Variants in CAPN15 observed in about 807,000 individuals in gnomAD.
The protein encoded by CAPN15 is calpain-15.
In CAPN15, 53 loss-of-function variants were observed where a neutral mutation model predicts 97.9. That is an observed-to-expected ratio of 0.54 (90% CI 0.43 to 0.68). The LOEUF (loss-of-function observed/expected upper bound fraction) is 0.68, where lower values mean the gene tolerates loss of function less well. Among genes scored for constraint, CAPN15 ranks in the 30% least tolerant of loss-of-function variants. The pLI, the probability that CAPN15 is intolerant of heterozygous loss-of-function variation, is 0.00. For synonymous variants in CAPN15, 922 were observed against 722.5 expected (o/e 1.28, Z -4.43); for missense variants, 1,592 against 1,589.8 (o/e 1.00, Z -0.02).
At chr16:534,230 AC>A in intron 2 of CAPN15, among the ~76,000 whole-genome samples, 1 of 136,616 alleles carries the variant, frequency 7.3e-6, no homozygotes, top group African/African-American at 2.5e-5. Context: ...CGGGGTCCCG[AC>A]AGGGGTGTTT....
At chr16:537,335 C>T (rs2033803917) in intron 3 of CAPN15, 1 of 985,510 alleles carries the variant, frequency 1.0e-6, no homozygotes, top group Non-Finnish European at 1.2e-6. Flanking sequence ...TGCAGCTGGG[C>T]ACCACTTCTG....
rs759755087 is a variant in CAPN15, at chr16:547,521, G to A, written c.683G>A (p.Arg228Lys). 138 of 1,598,078 alleles carry A rather than the reference G, an allele frequency of 8.6e-5. No homozygotes were observed. The highest frequency in any genetic ancestry group is 1.1e-4 in the Non-Finnish European group (134 of 1,179,132). The change falls in exon 4 of 14, where the codon AGG becomes AAG. Residue 228 changes from arginine (R) to lysine (K), a missense_variant. By Grantham distance (26) the Arg-to-Lys change is conservative. Coordinates refer to ENST00000219611, the MANE Select transcript of CAPN15 (RefSeq NM_005632.3). The stretch of plus-strand genomic sequence containing the variant: ...CCAGCTGCCGAACCAGAGCCGCCCA[G>A]GGTCCCGCCCTTCAGCCCCTTCTCG... The part of the protein sequence containing the change: ...QGPAAEPEPP[R>K]VPPFSPFSST...
intron 3 of CAPN15, among the ~76,000 whole-genome samples, chr16:545,800 G>C (rs1277198260): frequency 6.6e-6 from 1 of 152,218 alleles, no homozygotes; most frequent in African/African-American, 2.4e-5. Context: ...CTCCCGGAGT[G>C]GGGGCTGCAA....
chr16:550,174 C>T (rs551200829), intron 7 of CAPN15, among the ~76,000 whole-genome samples: 1 of 152,312 alleles, frequency 6.6e-6, no homozygotes, highest in Non-Finnish European at 1.5e-5. Context: ...CAGGCGTGAG[C>T]GGCGTGTCGA....
rs747264489 is a variant in CAPN15, at chr16:547,649, T to C, written c.811T>C (p.Cys271Arg). 1.3e-6 allele frequency: 2 copies of C among 1,572,124 alleles called. No individual in the cohort carries two copies. Among genetic ancestry groups the C allele is most frequent in the South Asian group, 2.3e-5 (2 of 87,924 alleles). The change falls in exon 4 of 14, where the codon TGC (cysteine) becomes CGC (arginine). Residue 271 changes from cysteine (C) to arginine (R), a missense_variant. Physicochemically the swap from Cys to Arg is radical, Grantham distance 180. Transcript: ENST00000219611. ...EAAQPSPSAG[C>R]RGAPQGSGWA... ...TGCCCAGCCGTCACCCTCTGCCGGC[T>C]GCAGGGGAGCCCCCCAGGGCTCGGG... is the stretch of plus-strand genomic sequence containing the variant.
At chr16:548,379 G>A in intron 4 of CAPN15, 92 bp downstream of exon 4, 1 of 1,278,248 alleles carries the variant, frequency 7.8e-7, no homozygotes. Flanking sequence ...GGGCTGGGGA[G>A]GAGCCCACAA....
Position 548,121 on chromosome 16 carries a change from G to T in CAPN15, c.1283G>T (p.Arg428Leu). 1 of 1,535,662 alleles carries T rather than the reference G, an allele frequency of 6.5e-7. No homozygotes were observed. Among genetic ancestry groups the T allele is most frequent in the Non-Finnish European group, 8.8e-7 (1 of 1,142,244 alleles). Reference protein sequence around the residue: ...CPACTLLNALRAKHCAACHTP... With the variant: ...CPACTLLNALLAKHCAACHTP... ...GCCTGTACCCTGCTCAACGCACTGC[G>T]GGCCAAGCACTGCGCCGCCTGCCAC... The change falls in exon 4 of 14, where the codon CGG becomes CTG. Residue 428 changes from arginine (R) to leucine (L), a missense_variant. By Grantham distance (102) the Arg-to-Leu change is moderately radical (BLOSUM62 -2). This residue lies in a region of CAPN15 where 883 missense variants were observed against 776.6 expected (regional missense o/e 1.14). Coordinates refer to ENST00000219611, the MANE Select transcript of CAPN15 (RefSeq NM_005632.3).
rs753292847 is a variant in CAPN15 at position 547,048 on chromosome 16, C to T, written c.210C>T (p.Thr70=). The T allele has an allele frequency of 1.9e-6, 3 of 1,606,920 alleles. No homozygotes were observed. Among genetic ancestry groups the T allele is most frequent in the Non-Finnish European group, 1.7e-6 (2 of 1,178,580 alleles). The change falls in exon 4 of 14, where the codon ACC becomes ACT. Residue 70 remains threonine, a synonymous_variant. Coordinates refer to ENST00000219611, the MANE Select transcript of CAPN15 (RefSeq NM_005632.3). ...GKEACEVCGF[T]PEPAPGAAFL... is the part of the protein sequence containing the mutation. ...AGGCCTGCGAGGTGTGCGGCTTCACCCCGGAGCCTGCGCCTGGGGCTGCCT... is the reference window on the plus strand; with the variant it reads ...AGGCCTGCGAGGTGTGCGGCTTCACTCCGGAGCCTGCGCCTGGGGCTGCCT...
Position 543,571 on chromosome 16 carries a change from C to G in CAPN15, c.-22-3246C>G, listed in dbSNP as rs542836102. Among the ~76,000 whole-genome samples the G allele has an allele frequency of 4.1e-4, 62 of 152,296 alleles. 1 individual carries two copies. Among genetic ancestry groups the G allele is most frequent in the African/African-American group, 1.3e-3 (56 of 41,564 alleles). On this transcript the variant is annotated intron_variant, in intron 3 of 13. Coordinates refer to ENST00000219611, the MANE Select transcript of CAPN15 (RefSeq NM_005632.3). ...CGGCATCCCTGGGGCCACTCCTGCC[C>G]GTGCCCGCTGCTGTGGGGCCTGGGC...
At chr16:530,138 C>T (rs548482244) in intron 1 of CAPN15, among the ~76,000 whole-genome samples, 4 of 152,352 alleles carry the variant, frequency 2.6e-5, no homozygotes, top group Non-Finnish European at 4.4e-5. Flanking sequence ...TCATGCCCCA[C>T]GCTGGAGAGA....
At position 547,243 on chromosome 16, in the gene CAPN15, G is replaced by A. The variant is rs200680036; in HGVS notation, c.405G>A (p.Glu135=). 2.0e-5 allele frequency: 31 copies of A among 1,513,960 alleles called. No homozygotes were observed. The highest frequency in any genetic ancestry group is 2.6e-5 in the Non-Finnish European group (30 of 1,137,264). 93.8% of individuals were successfully genotyped at this position (1,513,960 alleles called of 1,614,324 possible). A position where few individuals can be genotyped will look rare whatever the true frequency, so the allele number is the denominator to read the frequency against. The part of the protein sequence containing the change: ...DKDEEEKEEQ[E]EEEGAAEPRG... Reference sequence around the variant, plus strand: ...ACGAGGAGGAGAAGGAGGAGCAGGAGGAGGAGGAGGGAGCGGCGGAGCCCA... The same window carrying A: ...ACGAGGAGGAGAAGGAGGAGCAGGAAGAGGAGGAGGGAGCGGCGGAGCCCA... The change falls in exon 4 of 14, where the codon GAG becomes GAA. Residue 135 remains glutamate, a synonymous_variant. Coordinates refer to ENST00000219611, the MANE Select transcript of CAPN15 (RefSeq NM_005632.3).
intron 3 of CAPN15, 66 bp from the exon 4 acceptor site, chr16:546,751 G>T: frequency 6.7e-7 from 1 of 1,484,628 alleles, no homozygotes. Flanking sequence ...CCCAGGCCGA[G>T]AGGAGGGTGG....
chr16:550,434 C>T (rs994656953), intron 7 of CAPN15, among the ~76,000 whole-genome samples: 20 of 152,352 alleles, frequency 1.3e-4, no homozygotes, highest in Middle Eastern at 6.8e-3. Context: ...GGGGGCTGGT[C>T]CAGACCCTCC....
intron 3 of CAPN15, chr16:538,507 C>T (rs1293854855): frequency 6.6e-6 from 1 of 152,190 alleles, no homozygotes; most frequent in African/African-American, 2.4e-5. Context: ...CTCCCACGAC[C>T]CCAGCACCTT....
chr16:549,352 C>T lies in CAPN15; in HGVS notation c.1723C>T (p.Arg575Cys), dbSNP rs774231932. The T allele has an allele frequency of 5.0e-6, 8 of 1,596,274 alleles. No individual in the cohort carries two copies. The highest frequency in any genetic ancestry group is 5.9e-6 in the Non-Finnish European group (7 of 1,177,738). Residue 575 changes from arginine (R) to cysteine (C), a missense_variant, in exon 6 of 14, where the codon CGC (arginine) becomes TGC (cysteine). Arg to Cys is a radical substitution (Grantham distance 180). Around this residue, in one of 3 missense-constraint regions of CAPN15, gnomAD observed 65 missense variants for 113.7 expected, o/e 0.57. Transcript: ENST00000219611. ...PDLVERVMVT[R>C]SLCAEGAYQV... ...CCTGGTGGAGCGGGTGATGGTCACGCGCAGCCTGTGTGCAGAGGGCGCCTA... is the reference window on the plus strand; with the variant it reads ...CCTGGTGGAGCGGGTGATGGTCACGTGCAGCCTGTGTGCAGAGGGCGCCTA...
intron 3 of CAPN15, among the ~76,000 whole-genome samples, chr16:542,282 T>C (rs2034173615): frequency 6.7e-6 from 1 of 150,258 alleles, no homozygotes; most frequent in African/African-American, 2.5e-5. Flanking sequence ...TTTTCATTTA[T>C]CTTGCATAGA....
intron 3 of CAPN15, among the ~76,000 whole-genome samples, chr16:542,179 G>C (rs530263624): frequency 6.6e-6 from 1 of 152,374 alleles, no homozygotes; most frequent in Admixed American, 6.5e-5. Flanking sequence ...GGGATGAACC[G>C]CATTTTATCT....
At chr16:531,756 G>A (rs759316950) in intron 1 of CAPN15, among the ~76,000 whole-genome samples, 1 of 151,812 alleles carries the variant, frequency 6.6e-6, no homozygotes, top group East Asian at 1.9e-4. Flanking sequence ...AGGGCCACAC[G>A]GCTCCCAAGG....
chr16:534,211 A>G (rs2033506438), intron 2 of CAPN15, among the ~76,000 whole-genome samples: 1 of 152,274 alleles, frequency 6.6e-6, no homozygotes, highest in Non-Finnish European at 1.5e-5. Context: ...GGCGACGGTG[A>G]GGGCGGCCCG....
Sources: allele counts gnomAD v4.1 joint callset (sites outside exome capture counted in the v4.1 genomes callset), GRCh38; gene constraint gnomAD v4.1.1; regional missense constraint gnomAD v4.1.1; transcripts MANE v1.5; gene names NCBI Gene and HGNC (gene_info 2026-07-23, HGNC 2026-07-21).